The following OPRPN variants were observed in gnomAD, a reference collection of about 807,000 sequenced individuals.
The protein encoded by OPRPN is basic proline-rich lacrimal protein.
OPRPN carries 1 observed loss-of-function variant against 2.2 expected under a neutral mutation model. The observed-to-expected ratio is 0.45, with a 90% CI of 0.16 to 2.15. The LOEUF (loss-of-function observed/expected upper bound fraction) is 2.15, where lower values mean the gene tolerates loss of function less well. Ranked by LOEUF, OPRPN falls within the 30% of genes most tolerant of loss-of-function variation. OPRPN has a pLI of 0.28. For synonymous variants in OPRPN, 126 were observed against 111.5 expected (o/e 1.13, Z -0.82); for missense variants, 306 against 297.3 (o/e 1.03, Z -0.21).
chr4:70,400,537 T>G (rs1732955088), intron 2 of OPRPN, among the ~76,000 whole-genome samples: 1 of 151,830 alleles, frequency 6.6e-6, no homozygotes, highest in Non-Finnish European at 1.5e-5. Flanking sequence ...CCAGACCTTA[T>G]CCCAGACCTG....
At chr4:70,405,735 T>C (rs1733074173) in intron 2 of OPRPN, among the ~76,000 whole-genome samples, 1 of 152,172 alleles carries the variant, frequency 6.6e-6, no homozygotes, top group Non-Finnish European at 1.5e-5. Flanking sequence ...GATCTCAATT[T>C]CATTTGAGTC....
chr4:70,402,845 G>A (rs1733011636), intron 2 of OPRPN, among the ~76,000 whole-genome samples: 3 of 152,006 alleles, frequency 2.0e-5, no homozygotes, highest in Admixed American at 6.6e-5. Flanking sequence ...AGAATAAGGA[G>A]GCTAGCATGG....
intron 2 of OPRPN, 100 bp downstream of exon 2, chr4:70,399,436 A>G (rs1292430928): frequency 1.0e-6 from 1 of 989,732 alleles, no homozygotes; most frequent in East Asian, 2.6e-5. Flanking sequence ...ATATAAAAAT[A>G]CAGTGTCAGG....
At chr4:70,407,894 G>T (rs1287533085) in intron 2 of OPRPN, among the ~76,000 whole-genome samples, 1 of 152,180 alleles carries the variant, frequency 6.6e-6, no homozygotes, top group Non-Finnish European at 1.5e-5. Context: ...AAGTGAAGAA[G>T]TTCTCACGTA....
intron 2 of OPRPN, among the ~76,000 whole-genome samples, chr4:70,404,304 T>C (rs910995949): frequency 6.6e-6 from 1 of 152,210 alleles, no homozygotes; most frequent in East Asian, 1.9e-4. Context: ...TGACGACTCC[T>C]TGTTGGTCTC....
At position 70,409,979 on chromosome 4, in the gene OPRPN, C is replaced by T. The variant is rs1733190153; in HGVS notation, c.651C>T (p.Leu217=). The change falls in exon 3 of 3, where the codon CTC becomes CTT. Residue 217 remains leucine (L), a synonymous_variant. Coordinates refer to ENST00000399575, the MANE Select transcript of OPRPN (RefSeq NM_021225.5). ...CCAACCGTCCTCACACAGTATTGCT[C>T]AATGCCACTGTCCAAGTTACGACTT... ...ILANRPHTVL[L]NATVQVTTSN... is the part of the protein sequence containing the mutation. 3.7e-6 allele frequency: 6 copies of T among 1,613,926 alleles called. No homozygotes were observed. Among genetic ancestry groups the T allele is most frequent in the Non-Finnish European group, 4.2e-6 (5 of 1,179,874 alleles).
chr4:70,399,231 C>T (rs868762521), intron 1 of OPRPN, 40 bp from the exon 2 acceptor site: 9 of 1,439,924 alleles, frequency 6.3e-6, no homozygotes, highest in African/African-American at 1.4e-5. Flanking sequence ...CACTGTTGAT[C>T]GATTTGGCTA....
intron 2 of OPRPN, among the ~76,000 whole-genome samples, chr4:70,406,766 C>T (rs1325343762): frequency 2.0e-5 from 3 of 152,086 alleles, no homozygotes; most frequent in Admixed American, 6.6e-5. Context: ...TGTTTGGTTG[C>T]AAAGAACAGG....
chr4:70,398,029 T>A lies in OPRPN; in HGVS notation c.-27T>A, dbSNP rs1351405240. On this transcript the variant is annotated 5_prime_UTR_variant, in exon 1 of 3. Coordinates refer to ENST00000399575, the MANE Select transcript of OPRPN (RefSeq NM_021225.5). ...AGCAGTAATTTGTTCCAAAGAAGAATCTTCTACCAAGGTAGGTATATAGAA... is the reference window on the plus strand; with the variant it reads ...AGCAGTAATTTGTTCCAAAGAAGAAACTTCTACCAAGGTAGGTATATAGAA... The A allele has an allele frequency of 3.3e-5, 5 of 151,970 alleles. No homozygotes were observed. The highest frequency in any genetic ancestry group is 5.9e-5 in the Non-Finnish European group (4 of 67,924). The allele number at this position is 151,970 out of a possible 1,614,324, so 9.4% of individuals were successfully genotyped here.
intron 2 of OPRPN, among the ~76,000 whole-genome samples, chr4:70,399,952 T>C (rs1732936961): frequency 1.3e-5 from 2 of 152,076 alleles, no homozygotes; most frequent in Middle Eastern, 6.8e-3. Context: ...CAAGAAGCAC[T>C]TACACTAATT....
chr4:70,400,120 T>C (rs1410692802), intron 2 of OPRPN, among the ~76,000 whole-genome samples: 1 of 151,930 alleles, frequency 6.6e-6, no homozygotes, highest in African/African-American at 2.4e-5. Flanking sequence ...TTAGGTGGGC[T>C]TGCGAGGAGA....
intron 2 of OPRPN, among the ~76,000 whole-genome samples, chr4:70,402,148 A>T (rs1028108958): frequency 1.3e-5 from 2 of 152,088 alleles, no homozygotes; most frequent in African/African-American, 4.8e-5. Flanking sequence ...CAAACTCTAC[A>T]AACTCTAGAA....
At position 70,409,902 on chromosome 4, in the gene OPRPN, A is replaced by T; in HGVS notation, c.574A>T (p.Ile192Leu). The part of the protein sequence containing the change: ...ISSTPEPATS[I>L]SAATPAASTE... ...TTCAACACCAGAGCCTGCCACCTCC[A>T]TATCAGCAGCAACCCCCGCAGCATC... Residue 192 changes from isoleucine to leucine, a missense_variant, in exon 3 of 3, where the codon ATA (isoleucine) becomes TTA (leucine). Coordinates refer to ENST00000399575, the MANE Select transcript of OPRPN (RefSeq NM_021225.5). 1 of 1,614,026 alleles carries T rather than the reference A, an allele frequency of 6.2e-7. No individual in the cohort carries two copies. Among genetic ancestry groups the T allele is most frequent in the Non-Finnish European group, 8.5e-7 (1 of 1,179,980 alleles).
intron 2 of OPRPN, among the ~76,000 whole-genome samples, chr4:70,404,511 C>G (rs1331482662): frequency 6.6e-6 from 1 of 152,166 alleles, no homozygotes; most frequent in Non-Finnish European, 1.5e-5. Flanking sequence ...AAAACATCAT[C>G]TAAATCTTAC....
chr4:70,404,694 A>G (rs1365881182), intron 2 of OPRPN, among the ~76,000 whole-genome samples: 2 of 152,172 alleles, frequency 1.3e-5, no homozygotes, highest in African/African-American at 2.4e-5. Flanking sequence ...TCCTTTGTTC[A>G]AAAGCTTCTA....
chr4:70,400,689 TA>T, intron 2 of OPRPN, among the ~76,000 whole-genome samples: 1 of 152,058 alleles, frequency 6.6e-6, no homozygotes, highest in African/African-American at 2.4e-5. Context: ...ATGAAATATA[TA>T]AAGAGAGCTT....
At chr4:70,399,597 A>G (rs150903305) in intron 2 of OPRPN, 7,737 of 294,182 alleles carry the variant, frequency 0.026, 114 homozygotes, top group Non-Finnish European at 0.037. Context: ...GCTCTTATCT[A>G]GAGATATCTC....
chr4:70,399,324 T>C lies in OPRPN; in HGVS notation c.39T>C (p.Ile13=), dbSNP rs1560531892. 1 of 1,598,836 alleles carries C rather than the reference T, an allele frequency of 6.3e-7. No homozygotes were observed. The highest frequency in any genetic ancestry group is 1.3e-5 in the African/African-American group (1 of 74,618). The stretch of plus-strand genomic sequence containing the variant: ...TCTTCTTGGGCCTGTTGGCTCTTAT[T>C]TCATGTTTCACAGTAAGTTCCCTCA... ...LTFFLGLLAL[I]SCFTPSESQR... is the part of the protein sequence containing the mutation. Residue 13 remains isoleucine (I), a synonymous_variant, in exon 2 of 3, where the codon ATT becomes ATC. Coordinates refer to ENST00000399575, the MANE Select transcript of OPRPN (RefSeq NM_021225.5).
At chr4:70,398,675 A>G (rs1732910096) in intron 1 of OPRPN, among the ~76,000 whole-genome samples, 1 of 151,882 alleles carries the variant, frequency 6.6e-6, no homozygotes, top group Non-Finnish European at 1.5e-5. Flanking sequence ...TCTAATTCAC[A>G]CACTGATAGA....
Sources: gnomAD v4.1 joint callset for allele counts (sites outside exome capture counted in the v4.1 genomes callset) on GRCh38, gnomAD v4.1.1 for gene constraint, MANE v1.5 for transcripts, NCBI Gene and HGNC (gene_info 2026-07-23, HGNC 2026-07-21) for gene names.